TTC16: variants seen among roughly 807,000 people sequenced by gnomAD.
TTC16 encodes tetratricopeptide repeat protein 16.
TTC16 carries 66 observed loss-of-function variants against 80.4 expected under a neutral mutation model. The ratio of observed to expected loss-of-function variants is 0.82; its 90% confidence interval spans 0.67 to 1.01. The LOEUF is 1.01. TTC16 is among the 50% of genes least tolerant of loss of function. The pLI is 0.00. For synonymous variants in TTC16, 438 were observed against 451.3 expected, an observed-to-expected ratio of 0.97 and a Z score of 0.37; for missense variants, 1,070 against 1,103.2, an observed-to-expected ratio of 0.97 and a Z score of 0.43.
intron 13 of TTC16, 140 bp from the exon 14 acceptor site, chr9:127,730,496 G>A: frequency 1.5e-6 from 2 of 1,303,756 alleles, no homozygotes; most frequent in Admixed American, 2.7e-5. Context: ...GCTGGGCGGG[G>A]GTGATCTGCA....
intron 12 of TTC16, chr9:127,727,695 C>T (rs1844094002): frequency 1.2e-6 from 1 of 809,728 alleles, no homozygotes; most frequent in South Asian, 2.9e-5. Context: ...AGAGAGGAGT[C>T]ACAGCCCTGC....
At position 127,730,907 on chromosome 9, in the gene TTC16, C is replaced by A; in HGVS notation, c.2124C>A (p.Ser708Arg). 11 of 1,613,548 alleles carry A rather than the reference C, an allele frequency of 6.8e-6. No individual in the cohort carries two copies. The highest frequency in any genetic ancestry group is 9.3e-6 in the Non-Finnish European group (11 of 1,179,940). The stretch of plus-strand genomic sequence containing the variant: ...CCACTATACACAAGAGGAACTCCAG[C>A]AAGACCAAGGCCACCCAAAGCCAGA... Reference protein sequence around the residue: ...TKATIHKRNSSKTKATQSQRR... With the variant: ...TKATIHKRNSRKTKATQSQRR... Residue 708 changes from serine (S) to arginine (R), a missense_variant, in exon 14 of 14, where the codon AGC becomes AGA. Physicochemically the swap from Ser to Arg is moderately radical, Grantham distance 110 (BLOSUM62 -1). Transcript: ENST00000373289.
Position 127,724,137 on chromosome 9 carries a change from G to A in TTC16, c.890G>A (p.Arg297Gln), listed in dbSNP as rs147208726. 3.7e-6 allele frequency: 6 copies of A among 1,612,098 alleles called. No individual in the cohort carries two copies. The highest frequency in any genetic ancestry group is 2.7e-5 in the African/African-American group (2 of 75,002). Residue 297 changes from arginine (R) to glutamine (Q), a missense_variant, in exon 8 of 14, where the codon CGG becomes CAG. By Grantham distance (43) the Arg-to-Gln change is conservative. Transcript: ENST00000373289. ...CCCGACAGGGGCACCATGTACCGAC[G>A]GCTCCAGGAGTTCGATGGGGCAGTG... ...LFLFRGTMYR[R>Q]LQEFDGAVED...
In TTC16 at chr9:127,724,118, A is replaced by G. The variant is rs754137871; in HGVS notation, c.873-2A>G. The G allele has an allele frequency of 1.2e-6, 2 of 1,601,444 alleles. No homozygotes were observed. On this transcript the variant is annotated splice_acceptor_variant, in intron 7 of 13. Coordinates refer to ENST00000373289, the MANE Select transcript of TTC16 (RefSeq NM_144965.3). LOFTEE classifies it high-confidence loss of function. ...TGCCGTCTCCCACGCCCCCCCCGAC[A>G]GGGGCACCATGTACCGACGGCTCCA... is the stretch of plus-strand genomic sequence containing the variant.
At chr9:127,716,553 G>A (rs1588411570) in intron 1 of TTC16, 4 of 540,240 alleles carry the variant, frequency 7.4e-6, no homozygotes, top group East Asian at 6.1e-5. Context: ...GTCAGTAGCC[G>A]GAAGTGGGAG....
Position 127,731,311 on chromosome 9 carries a change from C to A in TTC16, c.2528C>A (p.Ser843Ter). 1 of 1,613,136 alleles carries A rather than the reference C, an allele frequency of 6.2e-7. No homozygotes were observed. ...GAQGKSQGMS[S>*]TSSKAESTWG... ...CAGGGCAAGAGCCAGGGCATGAGCT[C>A]AACTTCCAGCAAGGCCGAGTCCACC... The change falls in exon 14 of 14, where the codon TCA becomes TAA. Residue 843 changes from serine (S) to a stop codon, truncating the protein, a stop_gained. Transcript: ENST00000373289. LOFTEE classifies it low-confidence loss of function (END_TRUNC).
At position 127,720,009 on chromosome 9, in the gene TTC16, C is replaced by G; in HGVS notation, c.427-69C>G. The G allele has an allele frequency of 2.8e-6, 4 of 1,418,126 alleles. No individual in the cohort carries two copies. The East Asian group carries it at 6.8e-5, about 24-fold the overall frequency. The allele number at this position is 1,418,126 out of a possible 1,614,324, so 87.8% of individuals were successfully genotyped here. A position where few individuals can be genotyped will look rare whatever the true frequency, so the allele number is the denominator to read the frequency against. On this transcript the variant is annotated intron_variant, in intron 4 of 13. Coordinates refer to ENST00000373289, the MANE Select transcript of TTC16 (RefSeq NM_144965.3). ...TCTCTCCCTCCTGCCTCAGGGCTTT[C>G]TGCTGCCAACTGGGGGGTGCAGCTG...
At position 127,730,792 on chromosome 9, in the gene TTC16, G is replaced by T; in HGVS notation, c.2009G>T (p.Arg670Ile). 6.2e-7 allele frequency: 1 copy of T among 1,613,812 alleles called. No individual in the cohort carries two copies. Among genetic ancestry groups the T allele is most frequent in the Non-Finnish European group, 8.5e-7 (1 of 1,180,044 alleles). ...NNREALSHGPRKIKATQGQRQ... is the reference protein window; with the variant it reads ...NNREALSHGPIKIKATQGQRQ... Reference sequence around the variant, plus strand: ...AGGGAGGCACTAAGCCATGGTCCCAGAAAAATCAAGGCCACCCAGGGCCAG... The same window carrying T: ...AGGGAGGCACTAAGCCATGGTCCCATAAAAATCAAGGCCACCCAGGGCCAG... The change falls in exon 14 of 14, where the codon AGA (arginine) becomes ATA (isoleucine). Residue 670 changes from arginine to isoleucine, a missense_variant. Transcript: ENST00000373289.
intron 6 of TTC16, among the ~76,000 whole-genome samples, chr9:127,721,861 A>AT (rs1162431901): frequency 1.3e-5 from 2 of 151,750 alleles, no homozygotes; most frequent in Non-Finnish European, 2.9e-5. Context: ...TGCCCAGCTA[A>AT]TTTTTGTATT....
chr9:127,731,340 G>A lies in TTC16; in HGVS notation c.2557G>A (p.Gly853Arg), dbSNP rs780257760. The change falls in exon 14 of 14, where the codon GGA becomes AGA. Residue 853 changes from glycine to arginine, a missense_variant. Physicochemically the swap from Gly to Arg is moderately radical, Grantham distance 125. Coordinates refer to ENST00000373289, the MANE Select transcript of TTC16 (RefSeq NM_144965.3). ...TTCCAGCAAGGCCGAGTCCACCTGG[G>A]GACCCAGCCCAAGTCTCAGCAAAAC... Reference protein sequence around the residue: ...STSSKAESTWGPSPSLSKTEV... With the variant: ...STSSKAESTWRPSPSLSKTEV... 3.7e-6 allele frequency: 6 copies of A among 1,612,870 alleles called. 1 individual carries two copies. The highest frequency in any genetic ancestry group is 4.5e-5 in the East Asian group (2 of 44,892).
At position 127,724,288 on chromosome 9, in the gene TTC16, C is replaced by T. The variant is rs1448968172; in HGVS notation, c.1041C>T (p.Tyr347=). Residue 347 remains tyrosine (Y), a synonymous_variant, in exon 8 of 14, where the codon TAC becomes TAT. Transcript: ENST00000373289. ...FAVHCYRQGA[Y]QEGVLLLNKA... ...TGCACTGCTACAGGCAGGGCGCCTA[C>T]CAGGAGGGCGTGCTGCTGCTGAACA... 6.2e-7 allele frequency: 1 copy of T among 1,612,998 alleles called. No individual in the cohort carries two copies. The highest frequency in any genetic ancestry group is 1.1e-5 in the South Asian group (1 of 91,084).
intron 12 of TTC16, chr9:127,729,345 G>A (rs763473235): frequency 1.2e-5 from 6 of 483,678 alleles, no homozygotes; most frequent in Admixed American, 7.2e-5. Flanking sequence ...AAACCAAGGC[G>A]CTAGCAGCTC....
Position 127,720,329 on chromosome 9 carries a change from G to A in TTC16, c.591G>A (p.Leu197=). Residue 197 remains leucine (L), a synonymous_variant, in exon 6 of 14, where the codon CTG becomes CTA. Transcript: ENST00000373289. ...QACLTLITNE[L]KQDTTNADVY... is the part of the protein sequence containing the mutation. ...GCCTCACGCTCATCACCAACGAGCT[G>A]AAGCAGGACACCACCAACGCCGATG... 6.2e-7 allele frequency: 1 copy of A among 1,613,376 alleles called. No homozygotes were observed. Among genetic ancestry groups the A allele is most frequent in the South Asian group, 1.1e-5 (1 of 91,084 alleles).
At chr9:127,717,145 C>A in intron 2 of TTC16, 129 bp downstream of exon 2, 1 of 1,343,834 alleles carries the variant, frequency 7.4e-7, no homozygotes, top group Non-Finnish European at 1.0e-6. Context: ...GCTCTTCCAC[C>A]TCAGTGGGAA....
intron 1 of TTC16, chr9:127,716,493 G>A (rs1843022038): frequency 3.7e-6 from 2 of 538,530 alleles, no homozygotes; most frequent in Admixed American, 3.1e-5. Flanking sequence ...GGACCCCCAA[G>A]GCCTGAGACT....
At chr9:127,720,497 C>A in intron 6 of TTC16, 102 bp downstream of exon 6, 1 of 1,482,964 alleles carries the variant, frequency 6.7e-7, no homozygotes, top group East Asian at 2.3e-5. Context: ...AGCCCAGAAG[C>A]CCCATCCCAC....
chr9:127,727,354 C>T lies in TTC16; in HGVS notation c.1653C>T (p.Thr551=), dbSNP rs776103263. 1.9e-6 allele frequency: 3 copies of T among 1,608,942 alleles called. No homozygotes were observed. The Admixed American group carries it at 5.0e-5, about 27-fold the overall frequency. The part of the protein sequence containing the change: ...SWKQGEPLIA[T]SEELKATPEI... The stretch of plus-strand genomic sequence containing the variant: ...AGCAGGGGGAGCCTTTGATTGCGAC[C>T]TCCGAGGAGCTGAAGGCCACCCCTG... The change falls in exon 12 of 14, where the codon ACC becomes ACT. Residue 551 remains threonine, a synonymous_variant. Transcript: ENST00000373289.
At chr9:127,716,389 T>A in intron 1 of TTC16, 1 of 638,452 alleles carries the variant, frequency 1.6e-6, no homozygotes, top group Non-Finnish European at 2.7e-6. Context: ...GAAGGTGACC[T>A]CACCAAAATG....
At chr9:127,717,899 G>A in intron 4 of TTC16, 127 bp downstream of exon 4, 7 of 1,232,050 alleles carry the variant, frequency 5.7e-6, no homozygotes, top group Non-Finnish European at 7.7e-6. Flanking sequence ...CCCCCCCGCT[G>A]CCCCTCTCAC....
Sources: gnomAD v4.1 joint callset for allele counts (sites outside exome capture counted in the v4.1 genomes callset) on GRCh38, gnomAD v4.1.1 for gene constraint, MANE v1.5 for transcripts, NCBI Gene and HGNC (gene_info 2026-07-23, HGNC 2026-07-21) for gene names.